The following TRMT9B variants were observed in gnomAD, a reference collection of about 807,000 sequenced individuals.
TRMT9B encodes probable tRNA methyltransferase 9B.
In TRMT9B, 16 loss-of-function variants were observed where a neutral mutation model predicts 11.5. The ratio of observed to expected loss-of-function variants is 1.39; its 90% CI spans 0.94 to 2.11. The LOEUF is 2.11. TRMT9B is among the 30% of genes most tolerant of loss of function. The pLI is 0.00. For missense variants in TRMT9B, 941 were observed against 553.8 expected (o/e 1.70, Z -7.02); for synonymous variants, 274 against 192.4 (o/e 1.42, Z -3.51).
intron 2 of TRMT9B, among the ~76,000 whole-genome samples, chr8:12,994,478 G>C (rs919889212): frequency 6.6e-6 from 1 of 151,856 alleles, no homozygotes; most frequent in Non-Finnish European, 1.5e-5. Flanking sequence ...TCTTCCCTTC[G>C]GTAGCGCTCA....
intron 2 of TRMT9B, among the ~76,000 whole-genome samples, chr8:12,995,828 T>C (rs1351442457): frequency 1.3e-5 from 2 of 152,196 alleles, no homozygotes; most frequent in African/African-American, 4.8e-5. Context: ...AAAGATTTTA[T>C]TCTCTGCAGA....
intron 1 of TRMT9B, among the ~76,000 whole-genome samples, chr8:12,981,828 GC>G (rs775013726): frequency 1.5e-4 from 23 of 152,010 alleles, no homozygotes; most frequent in Non-Finnish European, 2.2e-4. Context: ...CAAACATCTG[GC>G]CTCAAGTGAT....
chr8:12,993,217 G>A (rs966264686), intron 2 of TRMT9B, among the ~76,000 whole-genome samples: 6 of 152,186 alleles, frequency 3.9e-5, no homozygotes, highest in South Asian at 2.1e-4. Context: ...GTGCTATCCC[G>A]TAGGCAGCAG....
chr8:12,999,223 T>C (rs1177453832), intron 2 of TRMT9B, among the ~76,000 whole-genome samples: 6 of 142,958 alleles, frequency 4.2e-5, no homozygotes, highest in Admixed American at 1.5e-4. Flanking sequence ...CGCTTGAACC[T>C]GGGAGGCGGA....
At chr8:12,963,609 G>A (rs1802431978) in intron 1 of TRMT9B, among the ~76,000 whole-genome samples, 1 of 152,002 alleles carries the variant, frequency 6.6e-6, no homozygotes, top group Middle Eastern at 3.2e-3. Flanking sequence ...TAGCCTGGCG[G>A]TGGTGGAGTG....
chr8:13,021,161 A>C lies in TRMT9B; in HGVS notation c.482A>C (p.Asn161Thr), dbSNP rs1391009724. ...FEKQDVLVPW[N>T]RALCSQLFSE... ...AAGCAAGACGTGCTTGTTCCATGGA[A>C]CAGGGCTCTGTGTTCCCAGCTCTTC... The change falls in exon 5 of 5, where the codon AAC becomes ACC. Residue 161 changes from asparagine to threonine, a missense_variant. By Grantham distance (65) the Asn-to-Thr change is moderately conservative (BLOSUM62 0). Transcript: ENST00000524591. The C allele has an allele frequency of 1.9e-6, 3 of 1,613,878 alleles. No individual in the cohort carries two copies. Among genetic ancestry groups the C allele is most frequent in the East Asian group, 4.5e-5 (2 of 44,880 alleles).
At chr8:12,966,097 A>G (rs1001193486) in intron 1 of TRMT9B, among the ~76,000 whole-genome samples, 2 of 151,908 alleles carry the variant, frequency 1.3e-5, no homozygotes, top group Admixed American at 6.6e-5. Context: ...AGACCAAGGT[A>G]GAAGGATCAC....
intron 1 of TRMT9B, among the ~76,000 whole-genome samples, chr8:12,983,862 A>G (rs550120842): frequency 2.9e-4 from 44 of 152,290 alleles, no homozygotes; most frequent in Non-Finnish European, 3.1e-4. Context: ...GTTGCTGTTA[A>G]CAGCTGACAC....
intron 2 of TRMT9B, among the ~76,000 whole-genome samples, chr8:12,993,222 C>T (rs1029065858): frequency 6.6e-6 from 1 of 152,108 alleles, no homozygotes; most frequent in Non-Finnish European, 1.5e-5. Context: ...ATCCCGTAGG[C>T]AGCAGAGGTC....
rs1339738514 is a variant in TRMT9B, at chr8:13,006,573, C to T, written c.154+217C>T. 92 of 1,421,330 alleles carry T rather than the reference C, an allele frequency of 6.5e-5. No homozygotes were observed. The South Asian group carries it at 7.0e-4, about 11-fold the overall frequency. 88.0% of individuals were successfully genotyped at this position (1,421,330 alleles called of 1,614,324 possible). On this transcript the variant is annotated intron_variant, in intron 3 of 4. Transcript: ENST00000524591. ...TGTTCTAATAGGAATCCTGAAATTGCACCCTTGGCATGCCAGTACCTAGAA... is the reference window on the plus strand; with the variant it reads ...TGTTCTAATAGGAATCCTGAAATTGTACCCTTGGCATGCCAGTACCTAGAA...
chr8:13,028,027 T>C lies in TRMT9B; in HGVS notation c.*5983T>C, dbSNP rs1012629782. 5 of 166,936 alleles carry C rather than the reference T, an allele frequency of 3.0e-5. No homozygotes were observed. The highest frequency in any genetic ancestry group is 1.2e-4 in the African/African-American group (5 of 41,438). 10.3% of individuals were successfully genotyped at this position (166,936 alleles called of 1,614,324 possible). On this transcript the variant is annotated 3_prime_UTR_variant, in exon 5 of 5. Coordinates refer to ENST00000524591, the MANE Select transcript of TRMT9B (RefSeq NM_020844.3). ...GTATTGCAAATGAAAGAGCTCAGCA[T>C]GAGAGCACAATCAGAAACTGAAGAG...
chr8:12,980,231 T>A (rs1805137873), intron 1 of TRMT9B, among the ~76,000 whole-genome samples: 1 of 152,080 alleles, frequency 6.6e-6, no homozygotes. Context: ...CCTTGCCTCC[T>A]CCAATTCCCG....
intron 1 of TRMT9B, among the ~76,000 whole-genome samples, chr8:12,946,204 A>C (rs1263017616): frequency 6.6e-6 from 1 of 152,232 alleles, no homozygotes; most frequent in Non-Finnish European, 1.5e-5. Context: ...ATACATTCTT[A>C]GGACAGAAAG....
chr8:13,014,966 A>G (rs1812349449), intron 4 of TRMT9B, among the ~76,000 whole-genome samples: 1 of 152,040 alleles, frequency 6.6e-6, no homozygotes, highest in Non-Finnish European at 1.5e-5. Context: ...AAGCTGAGGC[A>G]GGGAATTGCT....
intron 3 of TRMT9B, among the ~76,000 whole-genome samples, chr8:13,009,005 G>A (rs1312247530): frequency 6.6e-6 from 1 of 152,150 alleles, no homozygotes; most frequent in African/African-American, 2.4e-5. Context: ...TGGGATTACA[G>A]GCGTGAGCCA....
chr8:13,012,422 A>G, intron 3 of TRMT9B: 1 of 462,052 alleles, frequency 2.2e-6, no homozygotes, highest in Admixed American at 5.4e-5. Flanking sequence ...CTAAAAATAC[A>G]AAATTATCCG....
intron 4 of TRMT9B, among the ~76,000 whole-genome samples, chr8:13,016,016 T>C (rs1812583252): frequency 6.6e-6 from 1 of 150,640 alleles, no homozygotes; most frequent in African/African-American, 2.4e-5. Flanking sequence ...GAGGCTGGGG[T>C]GAGAGGATCC....
intron 2 of TRMT9B, among the ~76,000 whole-genome samples, chr8:13,004,940 T>G (rs1317854929): frequency 6.6e-6 from 1 of 151,882 alleles, no homozygotes; most frequent in Non-Finnish European, 1.5e-5. Flanking sequence ...CCAAGTAGAC[T>G]TCTAAGGTTT....
At chr8:12,982,594 G>A (rs542032452) in intron 1 of TRMT9B, among the ~76,000 whole-genome samples, 3 of 152,116 alleles carry the variant, frequency 2.0e-5, no homozygotes, top group African/African-American at 7.2e-5. Context: ...CCCAAGAGGC[G>A]GAGGTTGCAG....
Sources: gnomAD v4.1 joint callset for allele counts (sites outside exome capture counted in the v4.1 genomes callset) on GRCh38, gnomAD v4.1.1 for gene constraint, MANE v1.5 for transcripts, NCBI Gene and HGNC (gene_info 2026-07-23, HGNC 2026-07-21) for gene names.